The following DZIP1 variants were observed in gnomAD, a reference collection of about 807,000 sequenced individuals.
DZIP1 encodes the protein cilium assembly protein DZIP1.
Under a neutral mutation model 107.6 loss-of-function variants are expected in DZIP1, and 97 were observed. The ratio of observed to expected loss-of-function variants is 0.90; its 90% CI spans 0.77 to 1.07. The LOEUF is 1.07. Among genes scored for constraint, DZIP1 ranks in the 50% least tolerant of loss-of-function variants. The pLI is 0.00. For synonymous variants in DZIP1, 390 were observed against 386.4 expected, an observed-to-expected ratio of 1.01 and a Z score of -0.11; for missense variants, 1,035 against 1,063.6, an observed-to-expected ratio of 0.97 and a Z score of 0.37.
At chr13:95,587,464 A>G in intron 20 of DZIP1, 75 bp downstream of exon 20, 6 of 1,546,228 alleles carry the variant, frequency 3.9e-6, no homozygotes, top group Non-Finnish European at 5.3e-6. Flanking sequence ...TCAGACTCCC[A>G]GTGCTCGGTA....
At chr13:95,598,771 C>A (rs2044531323) in intron 15 of DZIP1, among the ~76,000 whole-genome samples, 1 of 152,016 alleles carries the variant, frequency 6.6e-6, no homozygotes, top group South Asian at 2.1e-4. Flanking sequence ...TCTTCATAGA[C>A]TTTAAAAACT....
At chr13:95,607,054 T>C (rs971990558) in intron 13 of DZIP1, among the ~76,000 whole-genome samples, 3 of 151,524 alleles carry the variant, frequency 2.0e-5, no homozygotes, top group Middle Eastern at 3.4e-3. Flanking sequence ...TTTATTTTAT[T>C]TTTTTTTAAA....
At position 95,636,512 on chromosome 13, in the gene DZIP1, G is replaced by A. The variant is rs143001527; in HGVS notation, c.598-3191C>T. On this transcript the variant is annotated intron_variant, in intron 5 of 22. Coordinates refer to ENST00000376829, the MANE Select transcript of DZIP1 (RefSeq NM_198968.4). ...GAGACAAGATTGCGCCACTGCACTCGGGGCCAGGGTGACAAAACAAGACCT... is the reference window on the plus strand; with the variant it reads ...GAGACAAGATTGCGCCACTGCACTCAGGGCCAGGGTGACAAAACAAGACCT... 7.4e-3 allele frequency among the ~76,000 whole-genome samples: 1,106 copies of A among 149,096 alleles called. 15 individuals carry two copies. Among genetic ancestry groups the A allele is most frequent in the African/African-American group, 0.025 (998 of 40,220 alleles).
intron 22 of DZIP1, among the ~76,000 whole-genome samples, chr13:95,584,218 G>C (rs1407543385): frequency 4.0e-5 from 6 of 150,028 alleles, no homozygotes; most frequent in African/African-American, 1.5e-4. Context: ...CTCGTGATCT[G>C]CCCGCCTTGG....
intron 6 of DZIP1, among the ~76,000 whole-genome samples, chr13:95,631,816 A>G (rs530628932): frequency 2.0e-5 from 3 of 152,254 alleles, no homozygotes; most frequent in South Asian, 4.2e-4. Context: ...ATGTCTGGAT[A>G]CAGTAGGACC....
intron 6 of DZIP1, among the ~76,000 whole-genome samples, chr13:95,631,746 T>C (rs1164048428): frequency 6.6e-6 from 1 of 152,152 alleles, no homozygotes; most frequent in East Asian, 1.9e-4. Flanking sequence ...GGTCTCACAT[T>C]TCTGTCCAGA....
Position 95,580,553 on chromosome 13 carries a change from T to G in DZIP1, c.*1681A>C, listed in dbSNP as rs2043999209. 1 of 152,190 alleles carries G rather than the reference T, an allele frequency of 6.6e-6. No individual in the cohort carries two copies. Among genetic ancestry groups the G allele is most frequent in the South Asian group, 2.1e-4 (1 of 4,838 alleles). The allele number at this position is 152,190 out of a possible 1,614,324, so 9.4% of individuals were successfully genotyped here. A position where few individuals can be genotyped will look rare whatever the true frequency, so the allele number is the denominator to read the frequency against. On this transcript the variant is annotated 3_prime_UTR_variant, in exon 23 of 23. Transcript: ENST00000376829. The stretch of plus-strand genomic sequence containing the variant: ...CCTTGACACTTTGTACTTGTATGGC[T>G]TCTGGCAACTTACTTAATAACTCTG...
At chr13:95,634,270 T>C (rs2139408266) in intron 5 of DZIP1, among the ~76,000 whole-genome samples, 1 of 152,380 alleles carries the variant, frequency 6.6e-6, no homozygotes, top group African/African-American at 2.4e-5. Context: ...ACGCTGAGGA[T>C]GACAGCATGT....
At chr13:95,631,977 G>A (rs191801240) in intron 6 of DZIP1, among the ~76,000 whole-genome samples, 2 of 152,256 alleles carry the variant, frequency 1.3e-5, no homozygotes, top group Non-Finnish European at 2.9e-5. Context: ...AGCGGCATTT[G>A]ATATGACTGA....
chr13:95,618,098 A>G (rs1305031377), intron 10 of DZIP1: 8 of 510,658 alleles, frequency 1.6e-5, no homozygotes, highest in Admixed American at 1.2e-4. Flanking sequence ...GAAGATGTAA[A>G]CATGGGCATG....
chr13:95,634,781 C>T (rs1457323707), intron 5 of DZIP1, among the ~76,000 whole-genome samples: 2 of 152,034 alleles, frequency 1.3e-5, no homozygotes, highest in Non-Finnish European at 2.9e-5. Context: ...AAATTAAATC[C>T]TTTTTAAAAA....
intron 5 of DZIP1, among the ~76,000 whole-genome samples, chr13:95,634,582 C>T (rs1006898758): frequency 6.6e-6 from 1 of 152,164 alleles, no homozygotes; most frequent in Non-Finnish European, 1.5e-5. Flanking sequence ...TGTTTTTCTA[C>T]TTTTACACTG....
At chr13:95,618,602 G>A (rs1407148073) in intron 10 of DZIP1, among the ~76,000 whole-genome samples, 1 of 152,008 alleles carries the variant, frequency 6.6e-6, no homozygotes, top group African/African-American at 2.4e-5. Context: ...CTTTAGTTTG[G>A]CTCTAGTATT....
At chr13:95,628,325 G>A (rs916762413) in intron 7 of DZIP1, among the ~76,000 whole-genome samples, 10 of 152,124 alleles carry the variant, frequency 6.6e-5, no homozygotes, top group African/African-American at 1.9e-4. Context: ...TTACAGTTGT[G>A]AGCCACCACA....
chr13:95,634,146 C>T (rs532015937), intron 5 of DZIP1, among the ~76,000 whole-genome samples: 1 of 152,302 alleles, frequency 6.6e-6, no homozygotes, highest in African/African-American at 2.4e-5. Context: ...TGCAGCCATG[C>T]CAATCTCAGA....
rs35961322 is a variant in DZIP1 at position 95,633,253 on chromosome 13, A to G, written c.666T>C (p.Thr222=). 1,425 of 1,614,110 alleles carry G rather than the reference A, an allele frequency of 8.8e-4. 15 individuals carry two copies. The African/African-American group carries it at 0.016, about 18-fold the overall frequency. The stretch of plus-strand genomic sequence containing the variant: ...ACTCACCAAAATGAGAATTTTCTTC[A>G]GTGTGGCGGCGTTGAATGTGACTTT... The part of the protein sequence containing the change: ...FLQSHIQRRH[T]EENSHFEYQK... The change falls in exon 6 of 23, where the codon ACT becomes ACC. Residue 222 remains threonine (T), a synonymous_variant. Transcript: ENST00000376829.
At chr13:95,590,780 T>C (rs1408681308) in intron 16 of DZIP1, among the ~76,000 whole-genome samples, 4 of 152,184 alleles carry the variant, frequency 2.6e-5, no homozygotes, top group African/African-American at 9.7e-5. Flanking sequence ...AGCTGTGGCC[T>C]GAAGGACAGG....
chr13:95,640,572 A>C (rs996221333), intron 5 of DZIP1, among the ~76,000 whole-genome samples: 12 of 152,210 alleles, frequency 7.9e-5, no homozygotes, highest in African/African-American at 2.9e-4. Context: ...AGTCAATAAA[A>C]AAAAAATACA....
chr13:95,587,418 G>C, intron 20 of DZIP1, 121 bp downstream of exon 20: 1 of 1,356,824 alleles, frequency 7.4e-7, no homozygotes, highest in South Asian at 1.4e-5. Flanking sequence ...GTGCCTTTGG[G>C]ATCCGCTGCA....
Sources: allele counts gnomAD v4.1 joint callset (sites outside exome capture counted in the v4.1 genomes callset), GRCh38; gene constraint gnomAD v4.1.1; transcripts MANE v1.5; gene names NCBI Gene and HGNC (gene_info 2026-07-23, HGNC 2026-07-21).